Variants in AK9 observed in about 807,000 individuals in gnomAD.
The protein encoded by AK9 is adenylate kinase domain containing 1.
AK9 carries 191 observed loss-of-function variants against 239.6 expected under a neutral mutation model. That is an observed-to-expected ratio of 0.80 (90% confidence interval 0.71 to 0.90). AK9 has a LOEUF of 0.90. Ranked by LOEUF, AK9 falls within the 40% of genes least tolerant of loss-of-function variation. The pLI is 0.00. For missense variants in AK9, 1,995 were observed against 2,214.7 expected (o/e 0.90, Z 1.99); for synonymous variants, 689 against 721.0 (o/e 0.96, Z 0.71).
In AK9 at chr6:109,649,488, C is replaced by T. The variant is rs1260178874; in HGVS notation, c.760-4800G>A. On this transcript the variant is annotated intron_variant, in intron 8 of 40. Coordinates refer to ENST00000424296, the MANE Select transcript of AK9 (RefSeq NM_001145128.3). Reference sequence around the variant, plus strand: ...ATGAGTGAACTCCCATTCACAATTGCTTCGAAGAGAATAAAATACCTAGGA... The same window carrying T: ...ATGAGTGAACTCCCATTCACAATTGTTTCGAAGAGAATAAAATACCTAGGA... Among the ~76,000 whole-genome samples the T allele has an allele frequency of 2.6e-5, 4 of 152,188 alleles. No individual in the cohort carries two copies. The South Asian group carries it at 6.2e-4, about 24-fold the overall frequency.
At chr6:109,604,197 T>C (rs1295831423) in intron 17 of AK9, among the ~76,000 whole-genome samples, 1 of 152,162 alleles carries the variant, frequency 6.6e-6, no homozygotes, top group Non-Finnish European at 1.5e-5. Flanking sequence ...GCTGTTCCTA[T>C]TTGGCCATCT....
chr6:109,655,467 A>AT (rs1198508153), intron 8 of AK9, among the ~76,000 whole-genome samples: 1 of 152,096 alleles, frequency 6.6e-6, no homozygotes, highest in Non-Finnish European at 1.5e-5. Context: ...TAACGTGAAT[A>AT]TTTTTCCAGT....
intron 1 of AK9, among the ~76,000 whole-genome samples, chr6:109,678,116 T>C (rs1338289077): frequency 6.6e-6 from 1 of 152,230 alleles, no homozygotes; most frequent in Non-Finnish European, 1.5e-5. Context: ...TACATTAATG[T>C]TCATCACAGC....
chr6:109,568,952 A>G (rs564654099), intron 21 of AK9, among the ~76,000 whole-genome samples: 1 of 152,342 alleles, frequency 6.6e-6, no homozygotes, highest in African/African-American at 2.4e-5. Flanking sequence ...ATGCAATGAA[A>G]AAAGAGCCCG....
chr6:109,675,690 T>C lies in AK9; in HGVS notation c.56A>G (p.Asp19Gly), dbSNP rs1267722257. ...EYPFADIFDEDETERNFLLSK... is the reference protein window; with the variant it reads ...EYPFADIFDEGETERNFLLSK... ...CAACAAAAAATTCCTTTCAGTTTCA[T>C]CTTCATCAAATATATCTGCAAAAGG... Residue 19 changes from aspartate to glycine, a missense_variant, in exon 2 of 41, where the codon GAT becomes GGT. By Grantham distance (94) the Asp-to-Gly change is moderately conservative (BLOSUM62 -1). Coordinates refer to ENST00000424296, the MANE Select transcript of AK9 (RefSeq NM_001145128.3). 3 of 1,599,152 alleles carry C rather than the reference T, an allele frequency of 1.9e-6. No individual in the cohort carries two copies. Among genetic ancestry groups the C allele is most frequent in the South Asian group, 1.1e-5 (1 of 87,996 alleles).
intron 6 of AK9, chr6:109,660,957 C>T (rs2016207): frequency 0.65 from 327,558 of 502,524 alleles, 111,028 homozygotes; most frequent in East Asian, 0.84. Context: ...TCCTTTAGAA[C>T]ATGATGAAAG....
At chr6:109,496,454 T>C (rs1238312996) in intron 38 of AK9, among the ~76,000 whole-genome samples, 1 of 152,222 alleles carries the variant, frequency 6.6e-6, no homozygotes, top group Non-Finnish European at 1.5e-5. Flanking sequence ...TCCTCTCACA[T>C]CACTTGACAA....
At chr6:109,550,413 C>T (rs1417624700) in intron 24 of AK9, 111 bp from the exon 25 acceptor site, 9 of 942,098 alleles carry the variant, frequency 9.6e-6, no homozygotes, top group Middle Eastern at 2.5e-4. Context: ...AACTTGAAAA[C>T]TATCCACAAA....
intron 21 of AK9, among the ~76,000 whole-genome samples, chr6:109,569,853 A>G (rs1787154378): frequency 6.6e-6 from 1 of 152,214 alleles, no homozygotes; most frequent in Admixed American, 6.5e-5. Flanking sequence ...TAGTTCAACC[A>G]TTGTGGAAGA....
rs147391111 is a variant in AK9, at chr6:109,540,449, G to C, written c.3350+1598C>G. On this transcript the variant is annotated intron_variant, in intron 27 of 40. Coordinates refer to ENST00000424296, the MANE Select transcript of AK9 (RefSeq NM_001145128.3). ...GGTGTGCTGTTTGCTAAGACCATTGGAAAAGCACAGTATTAGGGTGGGAGT... is the reference window on the plus strand; with the variant it reads ...GGTGTGCTGTTTGCTAAGACCATTGCAAAAGCACAGTATTAGGGTGGGAGT... Among the ~76,000 whole-genome samples, 823 of 152,312 alleles carry C rather than the reference G, an allele frequency of 5.4e-3. 9 individuals are homozygous for C. Among genetic ancestry groups the C allele is most frequent in the African/African-American group, 0.019 (773 of 41,560 alleles).
intron 17 of AK9, among the ~76,000 whole-genome samples, chr6:109,599,160 C>A (rs896293272): frequency 3.3e-5 from 5 of 152,068 alleles, no homozygotes; most frequent in African/African-American, 1.2e-4. Context: ...ATTCCTATGC[C>A]CTGAATGGTA....
In AK9 at chr6:109,497,445, T is replaced by G; in HGVS notation, c.5315+20A>C. 6.8e-7 allele frequency: 1 copy of G among 1,471,226 alleles called. No individual in the cohort carries two copies. Among genetic ancestry groups the G allele is most frequent in the Non-Finnish European group, 9.5e-7 (1 of 1,052,416 alleles). The allele number at this position is 1,471,226 out of a possible 1,614,324, so 91.1% of individuals were successfully genotyped here. On this transcript the variant is annotated intron_variant, in intron 38 of 40. Coordinates refer to ENST00000424296, the MANE Select transcript of AK9 (RefSeq NM_001145128.3). The stretch of plus-strand genomic sequence containing the variant: ...TGCAACACAGATTTTCAGTAAATAT[T>G]TGTGATTTAATGGTCTCACCTCAAA...
intron 20 of AK9, among the ~76,000 whole-genome samples, chr6:109,575,158 T>C (rs539411035): frequency 6.6e-6 from 1 of 152,326 alleles, no homozygotes; most frequent in Admixed American, 6.5e-5. Context: ...CAAGTGTCTT[T>C]TTCAAACAAT....
chr6:109,627,939 C>T lies in AK9; in HGVS notation c.1254+4984G>A, dbSNP rs937741153. 4.6e-5 allele frequency among the ~76,000 whole-genome samples: 7 copies of T among 152,172 alleles called. No individual in the cohort carries two copies. The East Asian group carries it at 7.7e-4, about 17-fold the overall frequency. The stretch of plus-strand genomic sequence containing the variant: ...TGCTGGGATTACAGGCCACTGCAAC[C>T]GGCCTGAACTTCTATTTTATGCTTT... On this transcript the variant is annotated intron_variant, in intron 12 of 40. Coordinates refer to ENST00000424296, the MANE Select transcript of AK9 (RefSeq NM_001145128.3).
At chr6:109,590,696 C>T (rs115070733) in intron 17 of AK9, among the ~76,000 whole-genome samples, 16 of 152,180 alleles carry the variant, frequency 1.1e-4, no homozygotes, top group East Asian at 7.7e-4. Context: ...TTTTGCTGTA[C>T]GTCAAATGCT....
At chr6:109,670,217 TA>T (rs1323644992) in intron 5 of AK9, among the ~76,000 whole-genome samples, 1 of 152,112 alleles carries the variant, frequency 6.6e-6, no homozygotes, top group Non-Finnish European at 1.5e-5. Flanking sequence ...AAAAATCAAC[TA>T]AAAAATATCT....
intron 17 of AK9, among the ~76,000 whole-genome samples, chr6:109,608,746 T>C (rs891667317): frequency 6.6e-6 from 1 of 151,992 alleles, no homozygotes; most frequent in Non-Finnish European, 1.5e-5. Flanking sequence ...TAAAATTAAC[T>C]CCTATTATTC....
intron 6 of AK9, among the ~76,000 whole-genome samples, chr6:109,661,199 T>C (rs1289314450): frequency 2.0e-5 from 3 of 152,194 alleles, no homozygotes; most frequent in Non-Finnish European, 2.9e-5. Flanking sequence ...GAAACTGCCA[T>C]AGGATACTTC....
chr6:109,506,599 T>C (rs1432672482), intron 34 of AK9, 52 bp from the exon 35 acceptor site: 20 of 1,536,114 alleles, frequency 1.3e-5, no homozygotes, highest in South Asian at 2.4e-5. Context: ...ACATATCTTT[T>C]CCCCCGTATG....
Sources: allele counts gnomAD v4.1 joint callset (sites outside exome capture counted in the v4.1 genomes callset), GRCh38; gene constraint gnomAD v4.1.1; transcripts MANE v1.5; gene names NCBI Gene and HGNC (gene_info 2026-07-23, HGNC 2026-07-21).